Variants in ABTB3 observed in about 807,000 individuals in gnomAD.
The protein encoded by ABTB3 is ankyrin repeat and BTB domain containing 3, also known as ankyrin repeat- and BTB/POZ domain-containing protein 3.
the ABTB3 span, among the ~76,000 whole-genome samples, chr12:107,587,715 G>A: frequency 4.6e-5 from 7 of 152,280 alleles, no homozygotes; most frequent in African/African-American, 1.7e-4. Context: ...TCCATACATA[G>A]CAGGGTATAC....
the ABTB3 span, among the ~76,000 whole-genome samples, chr12:107,578,021 A>G: frequency 1.3e-5 from 2 of 152,250 alleles, no homozygotes; most frequent in South Asian, 4.1e-4. Context: ...AAAAAAAAGT[A>G]TAAAGAGAAT....
At chr12:107,627,575 A>G in the ABTB3 span, among the ~76,000 whole-genome samples, 1 of 152,234 alleles carries the variant, frequency 6.6e-6, no homozygotes, top group East Asian at 1.9e-4. Flanking sequence ...TTTTACCTGC[A>G]GTGCACATCT....
At chr12:107,484,585 G>A in the ABTB3 span, among the ~76,000 whole-genome samples, 22 of 145,596 alleles carry the variant, frequency 1.5e-4, no homozygotes, top group East Asian at 1.6e-3. Flanking sequence ...GCAGAGGAGG[G>A]ATCTGATCTG....
At chr12:107,324,812 AG>A in the ABTB3 span, among the ~76,000 whole-genome samples, 1 of 152,214 alleles carries the variant, frequency 6.6e-6, no homozygotes, top group Non-Finnish European at 1.5e-5. Context: ...AGACCAGAAG[AG>A]GCAGTATGGA....
chr12:107,338,289 CTTA>C, the ABTB3 span, among the ~76,000 whole-genome samples: 1 of 152,130 alleles, frequency 6.6e-6, no homozygotes, highest in East Asian at 1.9e-4. Flanking sequence ...CCCACAACGC[CTTA>C]TTATTATTAA....
At chr12:107,358,959 C>A in the ABTB3 span, among the ~76,000 whole-genome samples, 1 of 152,232 alleles carries the variant, frequency 6.6e-6, no homozygotes, top group Non-Finnish European at 1.5e-5. Context: ...CATCTCTCTG[C>A]AGCATCCAGG....
chr12:107,385,184 A>G, the ABTB3 span, among the ~76,000 whole-genome samples: 1 of 152,200 alleles, frequency 6.6e-6, no homozygotes, highest in Non-Finnish European at 1.5e-5. Flanking sequence ...GGTATTGAGT[A>G]AGTGACAGGT....
the ABTB3 span, among the ~76,000 whole-genome samples, chr12:107,442,019 T>G: frequency 1.3e-5 from 2 of 152,188 alleles, no homozygotes; most frequent in East Asian, 3.8e-4. Flanking sequence ...GAATTCTGAT[T>G]TCATTCCCAG....
At chr12:107,326,496 G>C in the ABTB3 span, among the ~76,000 whole-genome samples, 6 of 152,228 alleles carry the variant, frequency 3.9e-5, no homozygotes, top group African/African-American at 1.4e-4. Context: ...AACGTTGCTT[G>C]TGTTCACATA....
the ABTB3 span, among the ~76,000 whole-genome samples, chr12:107,643,320 C>T: frequency 6.9e-6 from 1 of 145,168 alleles, no homozygotes; most frequent in Non-Finnish European, 1.5e-5. Flanking sequence ...TGGAGGATCA[C>T]TTGAACCTGA....
the ABTB3 span, among the ~76,000 whole-genome samples, chr12:107,401,860 G>C: frequency 6.7e-6 from 1 of 150,220 alleles, no homozygotes; most frequent in African/African-American, 2.4e-5. Context: ...TATGTGTGTA[G>C]AGTTTTTTAC....
At chr12:107,552,221 G>C in the ABTB3 span, among the ~76,000 whole-genome samples, 1 of 152,198 alleles carries the variant, frequency 6.6e-6, no homozygotes, top group Non-Finnish European at 1.5e-5. Context: ...TGGGCTCCTA[G>C]CCATTAGTCT....
the ABTB3 span, among the ~76,000 whole-genome samples, chr12:107,386,040 C>A: frequency 6.6e-6 from 1 of 151,588 alleles, no homozygotes; most frequent in East Asian, 2.0e-4. Context: ...TGGGTTAGTT[C>A]CTCATCTGTG....
the ABTB3 span, among the ~76,000 whole-genome samples, chr12:107,541,152 G>T: frequency 6.6e-6 from 1 of 152,200 alleles, no homozygotes; most frequent in African/African-American, 2.4e-5. Context: ...TTGAAGTAGT[G>T]GCCCCTCCCT....
chr12:107,422,719 T>C, the ABTB3 span, among the ~76,000 whole-genome samples: 29 of 152,238 alleles, frequency 1.9e-4, no homozygotes, highest in Admixed American at 1.9e-3. Flanking sequence ...TGCAAAGCAC[T>C]ATACTAGGTT....
the ABTB3 span, among the ~76,000 whole-genome samples, chr12:107,511,777 C>A: frequency 2.6e-5 from 4 of 152,162 alleles, no homozygotes; most frequent in East Asian, 7.7e-4. Context: ...AAATGGAGAC[C>A]ATTTTTGCAG....
the ABTB3 span, among the ~76,000 whole-genome samples, chr12:107,567,614 A>G: frequency 6.6e-6 from 1 of 152,156 alleles, no homozygotes; most frequent in East Asian, 1.9e-4. Flanking sequence ...CGGCCCGCAG[A>G]CCAGTACTGT....
At chr12:107,593,766 T>C in the ABTB3 span, among the ~76,000 whole-genome samples, 4 of 152,186 alleles carry the variant, frequency 2.6e-5, no homozygotes, top group Non-Finnish European at 5.9e-5. Context: ...CCCAGCCACC[T>C]TCCCTCTTGT....
chr12:107,360,784 C>T, the ABTB3 span, among the ~76,000 whole-genome samples: 2 of 152,108 alleles, frequency 1.3e-5, no homozygotes, highest in Non-Finnish European at 2.9e-5. Context: ...AACAAGGTCT[C>T]GCTCTGTTGC....
Sources: gnomAD v4.1 joint callset for allele counts (sites outside exome capture counted in the v4.1 genomes callset) on GRCh38, gnomAD v4.1.1 for gene constraint, MANE v1.5 for transcripts, NCBI Gene and HGNC (gene_info 2026-07-23, HGNC 2026-07-21) for gene names.